Variants in BRINP3 observed in about 807,000 individuals in gnomAD.
BRINP3 encodes the protein BMP/retinoic acid-inducible neural-specific protein 3.
Under a neutral mutation model 71.0 loss-of-function variants are expected in BRINP3, and 19 were observed. The ratio of observed to expected loss-of-function variants is 0.27; its 90% CI spans 0.19 to 0.39. BRINP3 has a LOEUF of 0.39. Ranked by LOEUF, BRINP3 falls within the 10% of genes least tolerant of loss-of-function variation. BRINP3 has a pLI of 1.00. For synonymous variants in BRINP3, 380 were observed against 337.7 expected (o/e 1.13, Z -1.37); for missense variants, 959 against 940.8 (o/e 1.02, Z -0.25).
At position 190,160,446 on chromosome 1, in the gene BRINP3, GA is replaced by G. The variant is rs572301313; in HGVS notation, c.1184+221del. ...TGATTTCTTCATTTTGATAAGAAAA[GA>G]AAAAAAGAAATAAGTGCTAGTATAT... On this transcript the variant is annotated intron_variant, in intron 7 of 7. Transcript: ENST00000367462. Among the ~76,000 whole-genome samples, 261 of 151,824 alleles carry G rather than the reference GA, an allele frequency of 1.7e-3. 1 individual carries two copies. Among genetic ancestry groups the G allele is most frequent in the African/African-American group, 5.3e-3 (220 of 41,480 alleles).
intron 2 of BRINP3, among the ~76,000 whole-genome samples, chr1:190,430,389 A>G (rs999884446): frequency 1.3e-5 from 2 of 152,134 alleles, no homozygotes; most frequent in Admixed American, 1.3e-4. Flanking sequence ...GGTCACCAGA[A>G]ATGAAGGATT....
intron 2 of BRINP3, among the ~76,000 whole-genome samples, chr1:190,351,147 C>T (rs575923033): frequency 1.3e-5 from 2 of 152,144 alleles, no homozygotes; most frequent in South Asian, 2.1e-4. Context: ...CCTACATCTA[C>T]GAAGTAGACA....
chr1:190,349,539 G>T lies in BRINP3; in HGVS notation c.237-67789C>A, dbSNP rs867684273. On this transcript the variant is annotated intron_variant, in intron 2 of 7. Coordinates refer to ENST00000367462, the MANE Select transcript of BRINP3 (RefSeq NM_199051.3). ...TATTAGTCATTTAGGAAAGATCAAAGGCTATTGGAGATTGTAGGCATATAG... is the reference window on the plus strand; with the variant it reads ...TATTAGTCATTTAGGAAAGATCAAATGCTATTGGAGATTGTAGGCATATAG... Among the ~76,000 whole-genome samples the T allele has an allele frequency of 5.9e-5, 9 of 152,216 alleles. No individual in the cohort carries two copies. In the South Asian group the frequency reaches 1.0e-3, roughly 18 times the overall value.
chr1:190,428,159 C>A (rs1673847232), intron 2 of BRINP3, among the ~76,000 whole-genome samples: 1 of 151,166 alleles, frequency 6.6e-6, no homozygotes, highest in Non-Finnish European at 1.5e-5. Context: ...GAGATATTGG[C>A]AATAAAGAGG....
intron 2 of BRINP3, among the ~76,000 whole-genome samples, chr1:190,310,543 T>TA (rs1665445408): frequency 6.6e-6 from 1 of 151,740 alleles, no homozygotes; most frequent in Admixed American, 6.6e-5. Flanking sequence ...TCCAGCATAC[T>TA]GCATGCCATT....
chr1:190,210,214 T>C (rs1389734357), intron 6 of BRINP3, among the ~76,000 whole-genome samples: 1 of 152,130 alleles, frequency 6.6e-6, no homozygotes, highest in Non-Finnish European at 1.5e-5. Context: ...ATATAAAGTA[T>C]ACACAATTTA....
intron 7 of BRINP3, among the ~76,000 whole-genome samples, chr1:190,135,303 A>T (rs1654880158): frequency 1.3e-5 from 2 of 152,120 alleles, no homozygotes; most frequent in African/African-American, 4.8e-5. Flanking sequence ...TTTTATGGAA[A>T]TGTTTCTGGG....
intron 1 of BRINP3, among the ~76,000 whole-genome samples, chr1:190,467,793 G>A (rs1676859435): frequency 6.6e-6 from 1 of 151,318 alleles, no homozygotes; most frequent in Non-Finnish European, 1.5e-5. Context: ...TATTTCAAAA[G>A]AAAAGTAAAC....
At chr1:190,306,957 T>C (rs1010630791) in intron 2 of BRINP3, among the ~76,000 whole-genome samples, 72 of 151,974 alleles carry the variant, frequency 4.7e-4, no homozygotes, top group African/African-American at 1.6e-3. Flanking sequence ...AAATTACAAT[T>C]GACACTACTA....
chr1:190,429,819 C>T (rs1199492704), intron 2 of BRINP3, among the ~76,000 whole-genome samples: 2 of 152,094 alleles, frequency 1.3e-5, no homozygotes, highest in East Asian at 1.9e-4. Context: ...GAACTCCCGA[C>T]ATCAAGTCAT....
At chr1:190,426,863 T>C (rs1228165830) in intron 2 of BRINP3, among the ~76,000 whole-genome samples, 1 of 151,876 alleles carries the variant, frequency 6.6e-6, no homozygotes, top group Non-Finnish European at 1.5e-5. Context: ...TACTTAACTT[T>C]CTTTTATATC....
chr1:190,368,023 C>A (rs6691910), intron 2 of BRINP3, among the ~76,000 whole-genome samples: 27,694 of 152,106 alleles, frequency 0.18, 2,527 homozygotes, highest in Middle Eastern at 0.22. Flanking sequence ...TCCAAAGTTA[C>A]TTCTACATTT....
intron 4 of BRINP3, among the ~76,000 whole-genome samples, chr1:190,238,630 G>A (rs1234335386): frequency 2.0e-5 from 3 of 152,074 alleles, no homozygotes; most frequent in Non-Finnish European, 4.4e-5. Flanking sequence ...AAAGCCAGAC[G>A]ATGCCAAGTG....
Position 190,381,285 on chromosome 1 carries a change from AAAACG to A in BRINP3, c.236+73365_236+73369del, listed in dbSNP as rs778555333. Among the ~76,000 whole-genome samples, 11 of 152,242 alleles carry A rather than the reference AAAACG, an allele frequency of 7.2e-5. No homozygotes were observed. The South Asian group carries it at 8.3e-4, about 11-fold the overall frequency. ...TCCCTCCACCAAAACAAAACAAAAC[AAAACG>A]AAACAAAACAAAAAAACACCGACGA... is the stretch of plus-strand genomic sequence containing the variant. On this transcript the variant is annotated intron_variant, in intron 2 of 7. Coordinates refer to ENST00000367462, the MANE Select transcript of BRINP3 (RefSeq NM_199051.3).
At position 190,393,401 on chromosome 1, in the gene BRINP3, T is replaced by A. The variant is rs567371909; in HGVS notation, c.236+61254A>T. ...AAAGAGATGCTAACGTGGGACCAGG[T>A]CTAAAGGGGAAAAGAGAACTCCATG... On this transcript the variant is annotated intron_variant, in intron 2 of 7. Transcript: ENST00000367462. Among the ~76,000 whole-genome samples, 52 of 151,580 alleles carry A rather than the reference T, an allele frequency of 3.4e-4. 1 individual carries two copies. In the Middle Eastern group the frequency reaches 0.014, roughly 40 times the overall value.
intron 2 of BRINP3, among the ~76,000 whole-genome samples, chr1:190,326,982 G>A (rs1165153997): frequency 1.3e-5 from 2 of 149,734 alleles, no homozygotes; most frequent in African/African-American, 4.9e-5. Context: ...AGGTCTAAAT[G>A]CCTGATGTAA....
chr1:190,126,658 T>C (rs1257018070), intron 7 of BRINP3, among the ~76,000 whole-genome samples: 1 of 151,938 alleles, frequency 6.6e-6, no homozygotes, highest in African/African-American at 2.4e-5. Context: ...TCTTTCATTG[T>C]CTTTGTTCAA....
intron 2 of BRINP3, among the ~76,000 whole-genome samples, chr1:190,315,067 G>A (rs911228742): frequency 2.0e-5 from 3 of 152,084 alleles, no homozygotes; most frequent in African/African-American, 7.2e-5. Context: ...CAGATTGAAG[G>A]GAGAGGGTAA....
intron 2 of BRINP3, among the ~76,000 whole-genome samples, chr1:190,444,042 G>T (rs1445731809): frequency 1.3e-5 from 2 of 152,026 alleles, no homozygotes; most frequent in Non-Finnish European, 2.9e-5. Flanking sequence ...AGACCAGCCT[G>T]ACCAAAATTG....
Sources: allele counts gnomAD v4.1 joint callset (sites outside exome capture counted in the v4.1 genomes callset), GRCh38; gene constraint gnomAD v4.1.1; transcripts MANE v1.5; gene names NCBI Gene and HGNC (gene_info 2026-07-23, HGNC 2026-07-21).